Variants in DCSTAMP observed in about 807,000 individuals in gnomAD.
The protein encoded by DCSTAMP is dendrocyte expressed seven transmembrane protein, also known as dendritic cell-specific transmembrane protein.
A neutral mutation model predicts 33.8 loss-of-function variants in DCSTAMP; 25 were observed. The ratio of observed to expected loss-of-function variants is 0.74; its 90% CI spans 0.54 to 1.03. The LOEUF (loss-of-function observed/expected upper bound fraction) is 1.03, where lower values mean the gene tolerates loss of function less well. DCSTAMP is among the 50% of genes least tolerant of loss of function. DCSTAMP has a pLI of 0.00. For missense variants in DCSTAMP, 531 were observed against 556.8 expected, an observed-to-expected ratio of 0.95 and a Z score of 0.47; for synonymous variants, 245 against 216.7, an observed-to-expected ratio of 1.13 and a Z score of -1.15.
At position 104,340,257 on chromosome 8, in the gene DCSTAMP, G is replaced by A. The variant is rs188440543; in HGVS notation, c.-13+395G>A. On this transcript the variant is annotated intron_variant, in intron 1 of 3. Coordinates refer to ENST00000297581, the MANE Select transcript of DCSTAMP (RefSeq NM_030788.4). ...AATGCTATTCTGTTTACCTAGTAGC[G>A]TTCATTAATCTTTCCTTTCTTGTGT... is the stretch of plus-strand genomic sequence containing the variant. The A allele has an allele frequency of 6.6e-5, 10 of 152,302 alleles. No homozygotes were observed. In the East Asian group the frequency reaches 7.7e-4, roughly 12 times the overall value. The allele number at this position is 152,302 out of a possible 1,614,324, so 9.4% of individuals were successfully genotyped here.
chr8:104,344,523 G>A (rs1228643458), intron 1 of DCSTAMP, among the ~76,000 whole-genome samples: 1 of 152,116 alleles, frequency 6.6e-6, no homozygotes, highest in Non-Finnish European at 1.5e-5. Flanking sequence ...GCTACCTGAA[G>A]CCTAGTCTTC....
At chr8:104,345,108 C>G (rs1810270598) in intron 1 of DCSTAMP, among the ~76,000 whole-genome samples, 1 of 151,990 alleles carries the variant, frequency 6.6e-6, no homozygotes, top group South Asian at 2.1e-4. Flanking sequence ...TGTCTCTAAG[C>G]CTCCCGTCAG....
At chr8:104,347,879 A>C (rs1213946508) in intron 1 of DCSTAMP, among the ~76,000 whole-genome samples, 1 of 152,230 alleles carries the variant, frequency 6.6e-6, no homozygotes, top group Non-Finnish European at 1.5e-5. Context: ...AGATTATCCC[A>C]GATTATCTGG....
intron 2 of DCSTAMP, among the ~76,000 whole-genome samples, chr8:104,353,800 C>T: frequency 6.6e-6 from 1 of 152,222 alleles, no homozygotes; most frequent in East Asian, 1.9e-4. Flanking sequence ...TTCCCAGCCC[C>T]AGGGCTCTGT....
intron 1 of DCSTAMP, among the ~76,000 whole-genome samples, chr8:104,347,396 T>A: frequency 6.6e-6 from 1 of 152,228 alleles, no homozygotes; most frequent in Admixed American, 6.5e-5. Context: ...CTTGGTGTGC[T>A]TTCTGGTCTG....
At chr8:104,355,825 T>C (rs1810611978) in intron 3 of DCSTAMP, among the ~76,000 whole-genome samples, 1 of 152,178 alleles carries the variant, frequency 6.6e-6, no homozygotes, top group African/African-American at 2.4e-5. Flanking sequence ...GATGCAAAAC[T>C]GTCTTTTTCT....
chr8:104,355,192 C>A lies in DCSTAMP; in HGVS notation c.1338+7C>A. ...GAGTCTCTATCTTACAAAGGTAAGG[C>A]CAAGATGGTGGTGTAACCTCCAATT... is the stretch of plus-strand genomic sequence containing the variant. On this transcript the variant is annotated splice_region_variant and intron_variant, in intron 3 of 3. Transcript: ENST00000297581. 4 of 1,603,894 alleles carry A rather than the reference C, an allele frequency of 2.5e-6. No homozygotes were observed. In the South Asian group the frequency reaches 4.5e-5, roughly 18 times the overall value.
chr8:104,356,308 A>G lies in DCSTAMP; in HGVS notation c.*110A>G. 9.2e-7 allele frequency: 1 copy of G among 1,089,592 alleles called. No individual in the cohort carries two copies. The highest frequency in any genetic ancestry group is 1.2e-6 in the Non-Finnish European group (1 of 803,786). 67.5% of individuals were successfully genotyped at this position (1,089,592 alleles called of 1,614,324 possible). On this transcript the variant is annotated 3_prime_UTR_variant, in exon 4 of 4. Coordinates refer to ENST00000297581, the MANE Select transcript of DCSTAMP (RefSeq NM_030788.4). ...GAGAACTATGTGACGCAGTCCTCTCAGGAGTCTGAGTTTACAGAGCCAACT... is the reference window on the plus strand; with the variant it reads ...GAGAACTATGTGACGCAGTCCTCTCGGGAGTCTGAGTTTACAGAGCCAACT...
intron 1 of DCSTAMP, among the ~76,000 whole-genome samples, chr8:104,344,010 T>G (rs1377960109): frequency 6.6e-6 from 1 of 152,224 alleles, no homozygotes; most frequent in African/African-American, 2.4e-5. Flanking sequence ...ACTCAGGAAC[T>G]GTAGTGGAAT....
chr8:104,348,343 A>G (rs547848351), intron 1 of DCSTAMP, among the ~76,000 whole-genome samples, 198 bp from the exon 2 acceptor site: 208 of 152,242 alleles, frequency 1.4e-3, no homozygotes, highest in Admixed American at 2.7e-3. Flanking sequence ...GGTCAGATGC[A>G]AAGGATGGAG....
In DCSTAMP at chr8:104,355,111, G is replaced by A; in HGVS notation, c.1264G>A (p.Ala422Thr). Residue 422 changes from alanine (A) to threonine (T), a missense_variant, in exon 3 of 4, where the codon GCA becomes ACA. Coordinates refer to ENST00000297581, the MANE Select transcript of DCSTAMP (RefSeq NM_030788.4). ...GAGGAAGCGCATCCAATATCTGCAT[G>A]CAAAGCTGCTTAAAAAAAGATCAAA... ...VERKRIQYLH[A>T]KLLKKRSKQP... The A allele has an allele frequency of 6.2e-7, 1 of 1,614,054 alleles. No homozygotes were observed. The highest frequency in any genetic ancestry group is 1.6e-4 in the Middle Eastern group (1 of 6,062).
rs758786657 is a variant in DCSTAMP, at chr8:104,356,190, A to G, written c.1405A>G (p.Lys469Glu). The change falls in exon 4 of 4, where the codon AAG (lysine) becomes GAG (glutamate). Residue 469 changes from lysine to glutamate, a missense_variant. Physicochemically the swap from Lys to Glu is moderately conservative, Grantham distance 56 (BLOSUM62 1). Transcript: ENST00000297581. ...GCAAATGGACATGGCAAGTGCAGAC[A>G]AGTCATGAGAGACCCCGACTACTCC... ...KKQMDMASAD[K>E]S 6.2e-7 allele frequency: 1 copy of G among 1,611,956 alleles called. No individual in the cohort carries two copies. The highest frequency in any genetic ancestry group is 1.7e-5 in the Admixed American group (1 of 59,708).
At position 104,356,646 on chromosome 8, in the gene DCSTAMP, C is replaced by G. The variant is rs1443818781; in HGVS notation, c.*448C>G. ...ATGGCTATTGCCCCCACAATGGTCT[C>G]TTTTCTCCCTGCTCCCTTATTAAAG... On this transcript the variant is annotated 3_prime_UTR_variant, in exon 4 of 4. Coordinates refer to ENST00000297581, the MANE Select transcript of DCSTAMP (RefSeq NM_030788.4). 1 of 152,334 alleles carries G rather than the reference C, an allele frequency of 6.6e-6. No homozygotes were observed. Among genetic ancestry groups the G allele is most frequent in the Non-Finnish European group, 1.5e-5 (1 of 68,138 alleles). 9.4% of individuals were successfully genotyped at this position (152,334 alleles called of 1,614,324 possible).
In DCSTAMP at chr8:104,342,428, T is replaced by G. The variant is rs528959383; in HGVS notation, c.-13+2566T>G. On this transcript the variant is annotated intron_variant, in intron 1 of 3. Coordinates refer to ENST00000297581, the MANE Select transcript of DCSTAMP (RefSeq NM_030788.4). The stretch of plus-strand genomic sequence containing the variant: ...CCCAAAGAAATCTAGATTTCTGACT[T>G]AAAAAATAAAAGTCAGAAAATCTGG... Among the ~76,000 whole-genome samples the G allele has an allele frequency of 5.9e-5, 9 of 152,294 alleles. No individual in the cohort carries two copies. The East Asian group carries it at 1.7e-3, about 29-fold the overall frequency.
At chr8:104,346,084 C>A (rs1810308164) in intron 1 of DCSTAMP, among the ~76,000 whole-genome samples, 1 of 152,244 alleles carries the variant, frequency 6.6e-6, no homozygotes, top group African/African-American at 2.4e-5. Context: ...GCCGTCTCCA[C>A]TGTGTGATTG....
rs202190980 is a variant in DCSTAMP at position 104,354,896 on chromosome 8, T to C, written c.1049T>C (p.Ile350Thr). 135 of 1,597,126 alleles carry C rather than the reference T, an allele frequency of 8.5e-5. 1 individual carries two copies. The highest frequency in any genetic ancestry group is 6.7e-4 in the Admixed American group (39 of 58,420). Residue 350 changes from isoleucine (I) to threonine (T), a missense_variant, in exon 3 of 4, where the codon ATT becomes ACT. Physicochemically the swap from Ile to Thr is moderately conservative, Grantham distance 89. Transcript: ENST00000297581. ...LHGEKQGTQD[I>T]IHDSSFNISV... is the part of the protein sequence containing the mutation. The stretch of plus-strand genomic sequence containing the variant: ...TTTTAGAAACAAGGAACTCAAGATA[T>C]TATCCATGATTCTTCCTTTAATATA...
At chr8:104,340,149 C>T (rs868531535) in intron 1 of DCSTAMP, 22 of 152,206 alleles carry the variant, frequency 1.4e-4, no homozygotes, top group African/African-American at 4.8e-4. Context: ...TTATGGGGAG[C>T]CCTAGGCTGG....
At chr8:104,353,936 T>C (rs1810539568) in intron 2 of DCSTAMP, among the ~76,000 whole-genome samples, 1 of 152,190 alleles carries the variant, frequency 6.6e-6, no homozygotes, top group Admixed American at 6.5e-5. Context: ...TAACTCCTGT[T>C]TTGCCAAATT....
chr8:104,342,345 C>T (rs977621277), intron 1 of DCSTAMP, among the ~76,000 whole-genome samples: 3 of 152,122 alleles, frequency 2.0e-5, no homozygotes, highest in African/African-American at 4.8e-5. Context: ...CAAAATCAGC[C>T]GTCAGAGTGT....
Sources: allele counts gnomAD v4.1 joint callset (sites outside exome capture counted in the v4.1 genomes callset), GRCh38; gene constraint gnomAD v4.1.1; transcripts MANE v1.5; gene names NCBI Gene and HGNC (gene_info 2026-07-23, HGNC 2026-07-21).